The following PROS1 variants were observed in gnomAD, a reference collection of about 807,000 sequenced individuals.
The protein encoded by PROS1 is vitamin K-dependent protein S.
PROS1 carries 29 observed loss-of-function variants against 75.9 expected under a neutral mutation model. The ratio of observed to expected loss-of-function variants is 0.38; its 90% CI spans 0.28 to 0.52. PROS1 has a LOEUF of 0.52. Ranked by LOEUF, PROS1 falls within the 20% of genes least tolerant of loss-of-function variation. PROS1 has a pLI of 0.83. For missense variants in PROS1, 680 were observed against 810.3 expected (o/e 0.84, Z 1.95); for synonymous variants, 245 against 280.6 (o/e 0.87, Z 1.27).
intron 1 of PROS1, among the ~76,000 whole-genome samples, chr3:93,972,802 T>A (rs1575903923): frequency 6.6e-6 from 1 of 151,876 alleles, no homozygotes; most frequent in Non-Finnish European, 1.5e-5. Context: ...TGAGCGGAGA[T>A]CCAGCCACTG....
chr3:93,891,451 A>G (rs780075773), intron 10 of PROS1, among the ~76,000 whole-genome samples: 1 of 151,964 alleles, frequency 6.6e-6, no homozygotes, highest in South Asian at 2.1e-4. Flanking sequence ...TATTTTTGAG[A>G]CAGTCTTGCT....
intron 3 of PROS1, among the ~76,000 whole-genome samples, chr3:93,919,517 A>G (rs1332017809): frequency 6.6e-6 from 1 of 150,884 alleles, no homozygotes; most frequent in Non-Finnish European, 1.5e-5. Flanking sequence ...TGATATTTAT[A>G]TTTTTGATAT....
intron 1 of PROS1, among the ~76,000 whole-genome samples, chr3:93,957,032 T>C (rs1423215201): frequency 4.6e-5 from 7 of 152,078 alleles, no homozygotes; most frequent in African/African-American, 1.7e-4. Flanking sequence ...TGAAGAACTA[T>C]ATATGAATAT....
At chr3:93,879,401 T>G in intron 12 of PROS1, 87 bp from the exon 13 acceptor site, 2 of 1,481,484 alleles carry the variant, frequency 1.3e-6, no homozygotes, top group Non-Finnish European at 1.9e-6. Context: ...CCAGGTAATA[T>G]TCAAAACTAT....
At chr3:93,932,177 T>C (rs1333948991) in intron 1 of PROS1, among the ~76,000 whole-genome samples, 1 of 152,250 alleles carries the variant, frequency 6.6e-6, no homozygotes, top group East Asian at 1.9e-4. Context: ...ATAATAACCA[T>C]GACATATGAG....
At position 93,900,463 on chromosome 3, in the gene PROS1, A is replaced by G. The variant is rs141745988; in HGVS notation, c.727+341T>C. Among the ~76,000 whole-genome samples, 462 of 152,246 alleles carry G rather than the reference A, an allele frequency of 3.0e-3. 4 individuals are homozygous for G. Among genetic ancestry groups the G allele is most frequent in the African/African-American group, 0.011 (439 of 41,536 alleles). ...TTTTAAGCTTGTGTCTTTCTTTTCTATCTACTGTTTTTCCTTCCAAAGTGA... is the reference window on the plus strand; with the variant it reads ...TTTTAAGCTTGTGTCTTTCTTTTCTGTCTACTGTTTTTCCTTCCAAAGTGA... On this transcript the variant is annotated intron_variant, in intron 7 of 14. Coordinates refer to ENST00000394236, the MANE Select transcript of PROS1 (RefSeq NM_000313.4).
At chr3:93,900,026 C>A (rs1258331652) in intron 7 of PROS1, among the ~76,000 whole-genome samples, 1 of 151,976 alleles carries the variant, frequency 6.6e-6, no homozygotes, top group Admixed American at 6.6e-5. Flanking sequence ...TATACAGATA[C>A]AATAGAAAAA....
chr3:93,912,450 G>T (rs955116473), intron 3 of PROS1, among the ~76,000 whole-genome samples: 9 of 152,112 alleles, frequency 5.9e-5, no homozygotes, highest in Admixed American at 4.6e-4. Context: ...AGATATGTCT[G>T]GGGCGGGGAG....
chr3:93,972,266 G>T (rs948276671), intron 1 of PROS1, among the ~76,000 whole-genome samples: 2 of 152,180 alleles, frequency 1.3e-5, no homozygotes, highest in African/African-American at 4.8e-5. Context: ...TTACAAATTG[G>T]CTGAATGATA....
chr3:93,923,960 C>T (rs1465236860), intron 3 of PROS1, among the ~76,000 whole-genome samples: 1 of 151,306 alleles, frequency 6.6e-6, no homozygotes, highest in Non-Finnish European at 1.5e-5. Flanking sequence ...CTATGTCTAG[C>T]ACCTCAATAT....
intron 8 of PROS1, among the ~76,000 whole-genome samples, chr3:93,898,081 A>G (rs1576182599): frequency 1.3e-5 from 2 of 152,202 alleles, no homozygotes; most frequent in East Asian, 3.9e-4. Context: ...AAAAGTAGAC[A>G]CTGGAAAATG....
At chr3:93,927,443 T>C (rs1297903942) in intron 1 of PROS1, 36 bp from the exon 2 acceptor site, 1 of 1,598,952 alleles carries the variant, frequency 6.3e-7, no homozygotes, top group Non-Finnish European at 8.5e-7. Flanking sequence ...AATTAATCAT[T>C]TTTCCATGTA....
intron 10 of PROS1, among the ~76,000 whole-genome samples, chr3:93,887,006 C>A (rs986347777): frequency 6.6e-6 from 1 of 151,298 alleles, no homozygotes; most frequent in Non-Finnish European, 1.5e-5. Flanking sequence ...GCAAGCTCCG[C>A]TTCCCGGGTT....
chr3:93,888,007 G>C (rs1295581155), intron 10 of PROS1, among the ~76,000 whole-genome samples: 1 of 152,196 alleles, frequency 6.6e-6, no homozygotes, highest in Non-Finnish European at 1.5e-5. Context: ...AAAATATCAA[G>C]TATTCTTAAA....
chr3:93,900,952 A>G, intron 6 of PROS1, 23 bp from the exon 7 acceptor site: 1 of 1,610,460 alleles, frequency 6.2e-7, no homozygotes, highest in South Asian at 1.1e-5. Context: ...TCACTATATT[A>G]AAAAACATTT....
chr3:93,875,711 T>C (rs1039444081), intron 14 of PROS1, among the ~76,000 whole-genome samples: 1 of 152,108 alleles, frequency 6.6e-6, no homozygotes, highest in African/African-American at 2.4e-5. Context: ...CTATAGCTTT[T>C]AAAGCCTATT....
chr3:93,927,967 A>ATG (rs1211407799), intron 1 of PROS1, among the ~76,000 whole-genome samples: 3 of 122,168 alleles, frequency 2.5e-5, no homozygotes, highest in African/African-American at 6.0e-5. Flanking sequence ...GTATATATAT[A>ATG]TGTGTGTATA....
rs753950548 is a variant in PROS1, at chr3:93,910,654, G to T, written c.311C>A (p.Thr104Asn). 2.3e-5 allele frequency: 37 copies of T among 1,613,552 alleles called. No homozygotes were observed. The highest frequency in any genetic ancestry group is 3.1e-5 in the Non-Finnish European group (37 of 1,179,732). ...TGLFTAARQS[T>N]NAYPDLRSCV... is the part of the protein sequence containing the mutation. Reference sequence around the variant, plus strand: ...GCTTCTTAGGTCAGGATAAGCATTAGTTGACTGACGTGCAGCAGTGAATAA... The same window carrying T: ...GCTTCTTAGGTCAGGATAAGCATTATTTGACTGACGTGCAGCAGTGAATAA... Residue 104 changes from threonine (T) to asparagine (N), a missense_variant, in exon 4 of 15, where the codon ACT (threonine) becomes AAT (asparagine). Transcript: ENST00000394236.
At chr3:93,885,976 T>A (rs573385131) in intron 11 of PROS1, among the ~76,000 whole-genome samples, 1 of 152,310 alleles carries the variant, frequency 6.6e-6, no homozygotes, top group African/African-American at 2.4e-5. Context: ...TGGACTTAAA[T>A]ATATGAATTT....
Sources: allele counts gnomAD v4.1 joint callset (sites outside exome capture counted in the v4.1 genomes callset), GRCh38; gene constraint gnomAD v4.1.1; transcripts MANE v1.5; gene names NCBI Gene and HGNC (gene_info 2026-07-23, HGNC 2026-07-21).